The following FAM227B variants were observed in gnomAD, a reference collection of about 807,000 sequenced individuals.
FAM227B encodes protein FAM227B.
Under a neutral mutation model 73.8 loss-of-function variants are expected in FAM227B, and 88 were observed. That is an observed-to-expected ratio of 1.19 (90% CI 1.00 to 1.42). The LOEUF is 1.42. FAM227B is among the 40% of genes most tolerant of loss of function. FAM227B has a pLI of 0.00. For synonymous variants in FAM227B, 210 were observed against 190.5 expected (o/e 1.10, Z -0.84); for missense variants, 632 against 590.9 (o/e 1.07, Z -0.72).
At chr15:49,347,539 A>G (rs1450905448) in intron 13 of FAM227B, among the ~76,000 whole-genome samples, 2 of 152,162 alleles carry the variant, frequency 1.3e-5, no homozygotes, top group Non-Finnish European at 2.9e-5. Flanking sequence ...TATTTGGTAA[A>G]ACAAACAGTA....
intron 2 of FAM227B, chr15:49,614,917 C>A (rs989287322): frequency 1.8e-6 from 1 of 557,458 alleles, no homozygotes; most frequent in Non-Finnish European, 3.2e-6. Flanking sequence ...CCCATCTCCT[C>A]GGCTGCAGCA....
intron 3 of FAM227B, among the ~76,000 whole-genome samples, chr15:49,592,102 T>C (rs966252986): frequency 2.0e-5 from 3 of 152,162 alleles, no homozygotes; most frequent in East Asian, 1.9e-4. Context: ...TTCCTTGCGA[T>C]GGGTTAGAAC....
At chr15:49,361,206 A>C (rs958979785) in intron 13 of FAM227B, among the ~76,000 whole-genome samples, 1 of 152,194 alleles carries the variant, frequency 6.6e-6, no homozygotes, top group Non-Finnish European at 1.5e-5. Context: ...TAAAAAATTA[A>C]TTTAAAAAAC....
intron 12 of FAM227B, among the ~76,000 whole-genome samples, chr15:49,371,100 AT>A (rs1198673800): frequency 6.6e-6 from 1 of 152,178 alleles, no homozygotes; most frequent in African/African-American, 2.4e-5. Flanking sequence ...TTCATTAGAA[AT>A]GGGGATATTT....
chr15:49,422,154 G>T (rs2049715956), intron 11 of FAM227B, among the ~76,000 whole-genome samples: 1 of 140,430 alleles, frequency 7.1e-6, no homozygotes, highest in Non-Finnish European at 1.6e-5. Context: ...GAGTGTGTGT[G>T]TGTGTGTGTG....
At chr15:49,455,623 T>A (rs1038741188) in intron 11 of FAM227B, among the ~76,000 whole-genome samples, 4 of 152,154 alleles carry the variant, frequency 2.6e-5, no homozygotes, top group South Asian at 4.1e-4. Context: ...GAAATATTTT[T>A]AACAATTTTT....
rs548139413 is a variant in FAM227B at position 49,515,596 on chromosome 15, G to A, written c.875-7248C>T. On this transcript the variant is annotated intron_variant, in intron 10 of 15. Coordinates refer to ENST00000299338, the MANE Select transcript of FAM227B (RefSeq NM_152647.3). ...GTAAGTAGTTTTAACGCCTGAAAAT[G>A]GGCTGCTTCTTTTGCTCAAATTTAG... Among the ~76,000 whole-genome samples the A allele has an allele frequency of 8.9e-4, 135 of 152,182 alleles. 5 individuals carry two copies. The South Asian group carries it at 0.027, about 30-fold the overall frequency.
chr15:49,607,789 A>G (rs1755284069), intron 3 of FAM227B, among the ~76,000 whole-genome samples: 1 of 149,050 alleles, frequency 6.7e-6, no homozygotes, highest in Non-Finnish European at 1.5e-5. Flanking sequence ...AATTCTTTTA[A>G]TTCTTTGTGG....
Position 49,437,371 on chromosome 15 carries a change from T to C in FAM227B, c.1013-65972A>G, listed in dbSNP as rs1403118510. 2.6e-5 allele frequency among the ~76,000 whole-genome samples: 4 copies of C among 151,654 alleles called. No homozygotes were observed. The East Asian group carries it at 5.8e-4, about 22-fold the overall frequency. The stretch of plus-strand genomic sequence containing the variant: ...GGATGGTGAAAAAGAAACAGTTTAC[T>C]GGCAAATAGGTTCTTTCTTTTGTCC... On this transcript the variant is annotated intron_variant, in intron 11 of 15. Transcript: ENST00000299338.
At chr15:49,443,674 A>C (rs1006849623) in intron 11 of FAM227B, among the ~76,000 whole-genome samples, 2 of 151,762 alleles carry the variant, frequency 1.3e-5, no homozygotes, top group African/African-American at 4.8e-5. Context: ...TCCAATATAC[A>C]TCTTCATTCA....
At chr15:49,560,583 G>C (rs1380850979) in intron 9 of FAM227B, among the ~76,000 whole-genome samples, 2 of 152,138 alleles carry the variant, frequency 1.3e-5, no homozygotes, top group Non-Finnish European at 2.9e-5. Flanking sequence ...TCAACAGAGT[G>C]TCTAAGGTCA....
chr15:49,456,842 TG>T (rs1346369930), intron 11 of FAM227B, among the ~76,000 whole-genome samples: 2 of 152,116 alleles, frequency 1.3e-5, no homozygotes, highest in Non-Finnish European at 2.9e-5. Flanking sequence ...AGTCCAACTT[TG>T]TTGATGAAAA....
chr15:49,402,694 G>A (rs2048250692), intron 11 of FAM227B, among the ~76,000 whole-genome samples: 1 of 152,146 alleles, frequency 6.6e-6, no homozygotes, highest in Admixed American at 6.5e-5. Context: ...CTGAGACAAT[G>A]GGGTTTTCTA....
chr15:49,411,949 G>T (rs779111555), intron 11 of FAM227B, among the ~76,000 whole-genome samples: 6 of 152,038 alleles, frequency 3.9e-5, no homozygotes, highest in Non-Finnish European at 7.4e-5. Flanking sequence ...ATCCTCATTT[G>T]CAGATAACCT....
chr15:49,421,583 T>C (rs2049631533), intron 11 of FAM227B, among the ~76,000 whole-genome samples: 1 of 152,250 alleles, frequency 6.6e-6, no homozygotes, highest in Admixed American at 6.5e-5. Flanking sequence ...ATTTAGCACT[T>C]AGTTAGCAAA....
chr15:49,366,463 G>A (rs1315474233), intron 13 of FAM227B: 1 of 1,014,634 alleles, frequency 9.9e-7, no homozygotes, highest in African/African-American at 1.6e-5. Flanking sequence ...CATCAGAAAG[G>A]TTGCATAGTG....
At chr15:49,378,941 T>C (rs559882591) in intron 11 of FAM227B, among the ~76,000 whole-genome samples, 1 of 152,308 alleles carries the variant, frequency 6.6e-6, no homozygotes, top group East Asian at 1.9e-4. Flanking sequence ...CTGTTGTATA[T>C]GGCTTTTATT....
chr15:49,356,360 A>G (rs1253030187), intron 13 of FAM227B, among the ~76,000 whole-genome samples: 3 of 150,542 alleles, frequency 2.0e-5, no homozygotes, highest in Non-Finnish European at 4.5e-5. Flanking sequence ...AGAGACACAC[A>G]TAGGCTCAAA....
intron 3 of FAM227B, among the ~76,000 whole-genome samples, chr15:49,600,233 T>C (rs1311088500): frequency 6.6e-6 from 1 of 152,210 alleles, no homozygotes; most frequent in Non-Finnish European, 1.5e-5. Context: ...GCTATCCTAG[T>C]TCTCTTTTAT....
Sources: allele counts gnomAD v4.1 joint callset (sites outside exome capture counted in the v4.1 genomes callset), GRCh38; gene constraint gnomAD v4.1.1; transcripts MANE v1.5; gene names NCBI Gene and HGNC (gene_info 2026-07-23, HGNC 2026-07-21).